NTM: variants seen among roughly 807,000 people sequenced by gnomAD.
NTM encodes IgLON family member 2.
NTM carries 13 observed loss-of-function variants against 42.1 expected under a neutral mutation model. The observed-to-expected ratio is 0.31, with a 90% confidence interval of 0.20 to 0.49. NTM has a LOEUF of 0.49. Among genes scored for constraint, NTM ranks in the 20% least tolerant of loss-of-function variants. NTM has a pLI of 0.99. For synonymous variants in NTM, 187 were observed against 179.2 expected, an observed-to-expected ratio of 1.04 and a Z score of -0.35; for missense variants, 373 against 452.8, an observed-to-expected ratio of 0.82 and a Z score of 1.60.
Position 132,104,935 on chromosome 11 carries a change from A to ATGTATG in NTM, c.168-41342_168-41341insGTGTAT, listed in dbSNP as rs2062117467. ...CCTCTCTCTCTCTCCATATATACATATGTATATATATATATATATATATAT... is the reference window on the plus strand; with the variant it reads ...CCTCTCTCTCTCTCCATATATACATATGTATGTGTATATATATATATATATATATAT... On this transcript the variant is annotated intron_variant, in intron 2 of 8. Coordinates refer to ENST00000683400, the MANE Select transcript of NTM (RefSeq NM_001352005.2). Among the ~76,000 whole-genome samples the ATGTATG allele has an allele frequency of 1.5e-4, 3 of 20,008 alleles. 1 individual carries two copies. The highest frequency in any genetic ancestry group is 1.9e-4 in the African/African-American group (1 of 5,260). 13.1% of individuals were successfully genotyped at this position (20,008 alleles called of 152,430 possible).
chr11:131,976,772 G>A (rs2064447680), intron 2 of NTM, among the ~76,000 whole-genome samples: 1 of 152,206 alleles, frequency 6.6e-6, no homozygotes, highest in Non-Finnish European at 1.5e-5. Flanking sequence ...GAAAACAAGA[G>A]GGTGAGTAGT....
chr11:131,899,743 T>G (rs2052843712), intron 1 of NTM, among the ~76,000 whole-genome samples: 1 of 151,650 alleles, frequency 6.6e-6, no homozygotes, highest in Admixed American at 6.6e-5. Flanking sequence ...ACATACTTGT[T>G]TTTATCCTTT....
At chr11:131,663,249 A>T (rs1383673955) in intron 1 of NTM, 1 of 152,196 alleles carries the variant, frequency 6.6e-6, no homozygotes, top group Non-Finnish European at 1.5e-5. Flanking sequence ...GTTGTTTCCC[A>T]AGATATATGT....
intron 2 of NTM, among the ~76,000 whole-genome samples, chr11:132,127,777 C>T (rs991952116): frequency 1.5e-4 from 23 of 152,180 alleles, no homozygotes; most frequent in African/African-American, 5.1e-4. Context: ...AGCCAAGCCT[C>T]ATTCATTTTG....
At chr11:131,383,933 G>GA (rs1943005567) in intron 1 of NTM, among the ~76,000 whole-genome samples, 1 of 152,188 alleles carries the variant, frequency 6.6e-6, no homozygotes, top group Admixed American at 6.5e-5. Context: ...TGCAGAGAAG[G>GA]AGAGACATGG....
At chr11:131,933,191 A>G (rs563839901) in intron 2 of NTM, among the ~76,000 whole-genome samples, 12 of 152,334 alleles carry the variant, frequency 7.9e-5, no homozygotes, top group African/African-American at 2.4e-4. Flanking sequence ...AAGTGCAGCC[A>G]GCACTGCCAA....
chr11:131,375,591 C>G (rs1941857293), intron 1 of NTM, among the ~76,000 whole-genome samples: 1 of 152,132 alleles, frequency 6.6e-6, no homozygotes, highest in South Asian at 2.1e-4. Context: ...GCATGCCTCC[C>G]ATCCCTTTGC....
chr11:131,579,674 C>G (rs2058230834), intron 1 of NTM, among the ~76,000 whole-genome samples: 1 of 148,674 alleles, frequency 6.7e-6, no homozygotes, highest in South Asian at 2.1e-4. Flanking sequence ...CTGCCAAGGA[C>G]CAGAGAATGG....
intron 1 of NTM, among the ~76,000 whole-genome samples, chr11:131,833,742 T>C (rs1244491194): frequency 1.3e-5 from 2 of 152,202 alleles, no homozygotes; most frequent in African/African-American, 4.8e-5. Context: ...GCCTCTTTGC[T>C]TCTGAGGAGG....
At chr11:132,281,962 A>T (rs1449028081) in intron 4 of NTM, among the ~76,000 whole-genome samples, 1 of 152,232 alleles carries the variant, frequency 6.6e-6, no homozygotes, top group Non-Finnish European at 1.5e-5. Flanking sequence ...GTGAGCTTTA[A>T]GCCCACATCT....
intron 1 of NTM, among the ~76,000 whole-genome samples, chr11:131,607,598 G>T (rs1262178834): frequency 6.6e-6 from 1 of 152,186 alleles, no homozygotes; most frequent in Non-Finnish European, 1.5e-5. Context: ...CTTGGGGTCA[G>T]GGTTAGCAGA....
At chr11:131,547,908 G>T (rs2054153405) in intron 1 of NTM, among the ~76,000 whole-genome samples, 1 of 152,156 alleles carries the variant, frequency 6.6e-6, no homozygotes, top group East Asian at 1.9e-4. Flanking sequence ...GTGCTAGGCA[G>T]TAGGTGGCTG....
At chr11:131,796,293 TG>T (rs2091550977) in intron 1 of NTM, 1 of 506,174 alleles carries the variant, frequency 2.0e-6, no homozygotes, top group Non-Finnish European at 2.6e-6. Context: ...TGCCTGGCTG[TG>T]CTGGTGTCTC....
At chr11:132,276,020 G>A (rs1330161859) in intron 4 of NTM, among the ~76,000 whole-genome samples, 1 of 151,598 alleles carries the variant, frequency 6.6e-6, no homozygotes, top group African/African-American at 2.4e-5. Context: ...CTCTGATAAC[G>A]ACTGTTCTAC....
intron 2 of NTM, among the ~76,000 whole-genome samples, chr11:132,098,290 G>A (rs543667945): frequency 3.9e-5 from 6 of 152,152 alleles, no homozygotes; most frequent in African/African-American, 7.2e-5. Flanking sequence ...CCCCAAAATT[G>A]TGACTCATGA....
chr11:132,162,558 G>A (rs1455462339), intron 3 of NTM, among the ~76,000 whole-genome samples: 2 of 148,270 alleles, frequency 1.3e-5, no homozygotes, highest in Admixed American at 6.7e-5. Flanking sequence ...CTGTGCGTGA[G>A]GAGTGTGGAT....
At chr11:132,242,431 TGG>T (rs1196559168) in intron 4 of NTM, among the ~76,000 whole-genome samples, 1 of 152,088 alleles carries the variant, frequency 6.6e-6, no homozygotes, top group Non-Finnish European at 1.5e-5. Context: ...AAAAAAATGG[TGG>T]GTGGGGACAG....
intron 3 of NTM, among the ~76,000 whole-genome samples, chr11:132,183,670 C>T (rs771416968): frequency 6.6e-6 from 1 of 152,104 alleles, no homozygotes; most frequent in Admixed American, 6.5e-5. Context: ...TATATCTTCT[C>T]TAGGTCTACC....
intron 1 of NTM, among the ~76,000 whole-genome samples, chr11:131,455,665 T>A (rs1046764413): frequency 6.6e-6 from 1 of 152,050 alleles, no homozygotes; most frequent in Non-Finnish European, 1.5e-5. Flanking sequence ...GACAGAGGAA[T>A]TGTATTATAC....
Sources: gnomAD v4.1 joint callset for allele counts (sites outside exome capture counted in the v4.1 genomes callset) on GRCh38, gnomAD v4.1.1 for gene constraint, MANE v1.5 for transcripts, NCBI Gene and HGNC (gene_info 2026-07-23, HGNC 2026-07-21) for gene names.